The following PLXNC1 variants were observed in gnomAD, a reference collection of about 807,000 sequenced individuals.
PLXNC1 encodes the protein plexin C1.
A neutral mutation model predicts 178.2 loss-of-function variants in PLXNC1; 75 were observed. The observed-to-expected ratio is 0.42, with a 90% confidence interval of 0.35 to 0.51. PLXNC1 has a LOEUF of 0.51. PLXNC1 is among the 20% of genes least tolerant of loss of function. The pLI, the probability that PLXNC1 is intolerant of heterozygous loss-of-function variation, is 0.02. For missense variants in PLXNC1, 1,503 were observed against 1,984.4 expected (o/e 0.76, Z 4.61); for synonymous variants, 790 against 779.9 (o/e 1.01, Z -0.22).
At chr12:94,174,144 C>T (rs1409562783) in intron 2 of PLXNC1, among the ~76,000 whole-genome samples, 1 of 152,128 alleles carries the variant, frequency 6.6e-6, no homozygotes, top group Non-Finnish European at 1.5e-5. Flanking sequence ...GACTGGTTAC[C>T]TATGTGGCCC....
At chr12:94,241,514 G>A (rs1041645074) in intron 11 of PLXNC1, among the ~76,000 whole-genome samples, 12 of 151,946 alleles carry the variant, frequency 7.9e-5, no homozygotes, top group East Asian at 1.9e-4. Flanking sequence ...CTCTGGCCCC[G>A]CCACACCACC....
chr12:94,285,638 C>G (rs764413256), intron 23 of PLXNC1, among the ~76,000 whole-genome samples: 1 of 152,118 alleles, frequency 6.6e-6, no homozygotes, highest in African/African-American at 2.4e-5. Context: ...GCATCTTTGG[C>G]TGTATTTGGA....
At chr12:94,293,334 C>G (rs183940535) in intron 23 of PLXNC1, among the ~76,000 whole-genome samples, 2 of 152,200 alleles carry the variant, frequency 1.3e-5, no homozygotes, top group Admixed American at 1.3e-4. Flanking sequence ...TGAAATGGCT[C>G]TGTCATAGGG....
At chr12:94,292,561 CCA>C (rs1159150614) in intron 23 of PLXNC1, among the ~76,000 whole-genome samples, 1 of 152,152 alleles carries the variant, frequency 6.6e-6, no homozygotes, top group African/African-American at 2.4e-5. Context: ...ATGCTTGGAA[CCA>C]CAAGTATTTC....
intron 12 of PLXNC1, among the ~76,000 whole-genome samples, chr12:94,246,840 T>C (rs1227624234): frequency 6.6e-6 from 1 of 151,964 alleles, no homozygotes. Context: ...TACATCATAT[T>C]TTCCCACCAA....
rs1184538053 is a variant in PLXNC1 at position 94,260,159 on chromosome 12, C to T, written c.3251+425C>T. Among the ~76,000 whole-genome samples the T allele has an allele frequency of 1.3e-5, 2 of 151,962 alleles. No individual in the cohort carries two copies. The highest frequency in any genetic ancestry group is 2.9e-5 in the Non-Finnish European group (2 of 67,998). ...CCTCATCCTCCTGGGCTCAAGCTAC[C>T]CTCCTGCCTCAGCCTCCCCAAGTAG... On this transcript the variant is annotated intron_variant, in intron 19 of 30. Coordinates refer to ENST00000258526, the MANE Select transcript of PLXNC1 (RefSeq NM_005761.3). This position sits in a 1 kb window ranked among gnomAD's most constrained non-coding sequence, Gnocchi z 4.4.
chr12:94,184,603 AG>A lies in PLXNC1; in HGVS notation c.1339-1769del, dbSNP rs201324545. Among the ~76,000 whole-genome samples, 505 of 151,810 alleles carry A rather than the reference AG, an allele frequency of 3.3e-3. 3 individuals carry two copies. The highest frequency in any genetic ancestry group is 0.012 in the African/African-American group (477 of 41,336). On this transcript the variant is annotated intron_variant, in intron 3 of 30. Transcript: ENST00000258526. ...ATGCCCAGCTAAATTTTGTATTTTT[AG>A]TAGAGACAGAGTTGGCCAGACTGGT...
In PLXNC1 at chr12:94,220,112, C is replaced by G; in HGVS notation, c.1651C>G (p.Gln551Glu). The stretch of plus-strand genomic sequence containing the variant: ...CAGGGAGCTCTGCCAGAATAAAAGT[C>G]AGCCCAACCGGACCTGCACCTGTAG... ...SSRELCQNKS[Q>E]PNRTCTCSIP... The change falls in exon 6 of 31, where the codon CAG (glutamine) becomes GAG (glutamate). Residue 551 changes from glutamine to glutamate, a missense_variant. By Grantham distance (29) the Gln-to-Glu change is conservative (BLOSUM62 2). Transcript: ENST00000258526. The G allele has an allele frequency of 6.2e-7, 1 of 1,614,044 alleles. No homozygotes were observed. The highest frequency in any genetic ancestry group is 8.5e-7 in the Non-Finnish European group (1 of 1,179,940).
chr12:94,232,722 A>G (rs1302487604), intron 9 of PLXNC1, among the ~76,000 whole-genome samples: 1 of 152,216 alleles, frequency 6.6e-6, no homozygotes, highest in Non-Finnish European at 1.5e-5. Context: ...AGAAAAAGAT[A>G]CAAGAGAGAA....
chr12:94,175,246 AAAT>A, intron 2 of PLXNC1, among the ~76,000 whole-genome samples: 1 of 152,222 alleles, frequency 6.6e-6, no homozygotes, highest in East Asian at 1.9e-4. Context: ...TTATGGAAAA[AAAT>A]AATAATAAAT....
intron 2 of PLXNC1, among the ~76,000 whole-genome samples, chr12:94,174,289 A>T (rs1266336854): frequency 6.6e-6 from 1 of 151,744 alleles, no homozygotes; most frequent in Admixed American, 6.6e-5. Flanking sequence ...GGCTTAAGCG[A>T]TCCTCCCACC....
At chr12:94,269,667 C>T (rs1453713030) in intron 21 of PLXNC1, among the ~76,000 whole-genome samples, 1 of 152,222 alleles carries the variant, frequency 6.6e-6, no homozygotes, top group African/African-American at 2.4e-5. Context: ...CTGATGTTTG[C>T]ACTTCAGCAA....
intron 4 of PLXNC1, 27 bp downstream of exon 4, chr12:94,186,500 CTCGCATTTTTGAAA>C (rs767008051): frequency 6.6e-7 from 1 of 1,506,440 alleles, no homozygotes; most frequent in Admixed American, 1.7e-5. Context: ...TTCTCACCAA[CTCGCATTTTTGAAA>C]AAGTGTCATG....
chr12:94,165,476 T>G (rs1030294732), intron 1 of PLXNC1, among the ~76,000 whole-genome samples: 1 of 152,114 alleles, frequency 6.6e-6, no homozygotes, highest in Non-Finnish European at 1.5e-5. Context: ...GGCTCGCTGT[T>G]GTAATAGGCT....
chr12:94,156,245 G>A (rs945985356), intron 1 of PLXNC1, among the ~76,000 whole-genome samples: 2 of 152,176 alleles, frequency 1.3e-5, no homozygotes, highest in Non-Finnish European at 2.9e-5. Context: ...AATAGTGTTA[G>A]GACGGGCTCC....
At chr12:94,230,394 T>G (rs1964064741) in intron 9 of PLXNC1, among the ~76,000 whole-genome samples, 1 of 152,170 alleles carries the variant, frequency 6.6e-6, no homozygotes, top group Non-Finnish European at 1.5e-5. Context: ...TGTATCTCTC[T>G]GCACCCTTTG....
intron 1 of PLXNC1, among the ~76,000 whole-genome samples, chr12:94,158,716 G>A (rs61927394): frequency 0.083 from 12,677 of 152,206 alleles, 716 homozygotes; most frequent in Non-Finnish European, 0.13. Flanking sequence ...CAGGGAGATC[G>A]CTTGAGCCCG....
chr12:94,226,821 C>A, intron 8 of PLXNC1, 114 bp downstream of exon 8: 1 of 748,898 alleles, frequency 1.3e-6, no homozygotes, highest in Non-Finnish European at 2.4e-6. Flanking sequence ...GTCAGGAGTT[C>A]GAGACCAGCC....
At chr12:94,294,362 C>G in intron 23 of PLXNC1, 124 bp from the exon 24 acceptor site, 1 of 576,830 alleles carries the variant, frequency 1.7e-6, no homozygotes, top group Non-Finnish European at 3.2e-6. Context: ...CATAGTAATT[C>G]TTGATAAATA....
Sources: gnomAD v4.1 joint callset for allele counts (sites outside exome capture counted in the v4.1 genomes callset) on GRCh38, gnomAD v4.1.1 for gene constraint, Gnocchi (gnomAD v3.1) non-coding constraint, MANE v1.5 for transcripts, NCBI Gene and HGNC (gene_info 2026-07-23, HGNC 2026-07-21) for gene names.